FCHO2: variants seen among roughly 807,000 people sequenced by gnomAD.
FCHO2 encodes the protein F-BAR domain only protein 2.
A neutral mutation model predicts 114.1 loss-of-function variants in FCHO2; 43 were observed. The observed-to-expected ratio is 0.38, with a 90% confidence interval of 0.30 to 0.49. FCHO2 has a LOEUF of 0.49. FCHO2 is among the 20% of genes least tolerant of loss of function. The probability of loss-of-function intolerance (pLI) is 0.97; values close to 1 mark genes in which losing one functional copy is unlikely to be tolerated. For synonymous variants in FCHO2, 293 were observed against 315.2 expected, an observed-to-expected ratio of 0.93 and a Z score of 0.75; for missense variants, 807 against 950.4, an observed-to-expected ratio of 0.85 and a Z score of 1.98.
At chr5:72,988,808 A>G (rs1033141709) in intron 2 of FCHO2, among the ~76,000 whole-genome samples, 1 of 152,258 alleles carries the variant, frequency 6.6e-6, no homozygotes, top group Non-Finnish European at 1.5e-5. Context: ...CACTTATCAC[A>G]GTGAACCAGC....
chr5:73,054,562 TTTGAA>T lies in FCHO2; in HGVS notation c.1210+17_1210+21del. 1 of 1,529,518 alleles carries T rather than the reference TTTGAA, an allele frequency of 6.5e-7. No homozygotes were observed. Among genetic ancestry groups the T allele is most frequent in the African/African-American group, 1.4e-5 (1 of 72,318 alleles). 94.7% of individuals were successfully genotyped at this position (1,529,518 alleles called of 1,614,324 possible). Reference sequence around the variant, plus strand: ...CGGAATTTGTCTAGTAAGTTTGACATTTGAATTGTTTATTTTATGTCTATTAAAAT... The same window carrying T: ...CGGAATTTGTCTAGTAAGTTTGACATTTGTTTATTTTATGTCTATTAAAAT... On this transcript the variant is annotated intron_variant, in intron 15 of 25. Coordinates refer to ENST00000430046, the MANE Select transcript of FCHO2 (RefSeq NM_138782.3).
chr5:73,078,163 A>T lies in FCHO2; in HGVS notation c.1848-17A>T, dbSNP rs1561496790. ...GATAAGTCAATAAAATAACAAATAT[A>T]TTTTTTATATATGTAGTGATCCATC... On this transcript the variant is annotated splice_polypyrimidine_tract_variant and intron_variant, in intron 21 of 25. Transcript: ENST00000430046. The T allele has an allele frequency of 6.8e-7, 1 of 1,465,132 alleles. No individual in the cohort carries two copies. Among genetic ancestry groups the T allele is most frequent in the South Asian group, 1.5e-5 (1 of 67,916 alleles). 90.8% of individuals were successfully genotyped at this position (1,465,132 alleles called of 1,614,324 possible).
chr5:73,055,639 C>T lies in FCHO2; in HGVS notation c.1211-426C>T, dbSNP rs561406349. 2.6e-4 allele frequency among the ~76,000 whole-genome samples: 39 copies of T among 152,268 alleles called. No individual in the cohort carries two copies. The South Asian group carries it at 7.5e-3, about 29-fold the overall frequency. On this transcript the variant is annotated intron_variant, in intron 15 of 25. Transcript: ENST00000430046. ...TTAATTTTTCAAAATATGACATCCT[C>T]AAGAGTTAATAACTACTTTTTGTCA...
intron 5 of FCHO2, among the ~76,000 whole-genome samples, chr5:72,998,992 G>A (rs1024786174): frequency 3.3e-5 from 5 of 151,556 alleles, no homozygotes; most frequent in East Asian, 1.9e-4. Context: ...CATCAGGCCC[G>A]GCTCATGATT....
At chr5:73,073,066 A>G (rs1317857894) in intron 19 of FCHO2, among the ~76,000 whole-genome samples, 1 of 152,074 alleles carries the variant, frequency 6.6e-6, no homozygotes, top group Non-Finnish European at 1.5e-5. Flanking sequence ...CCAGTGTACA[A>G]ACATATATTT....
chr5:73,028,931 C>T (rs1191069441), intron 8 of FCHO2, among the ~76,000 whole-genome samples: 1 of 152,006 alleles, frequency 6.6e-6, no homozygotes, highest in Non-Finnish European at 1.5e-5. Flanking sequence ...ACAGGTGGAG[C>T]CACCGTGCCC....
chr5:72,987,001 G>A (rs1021651422), intron 2 of FCHO2, among the ~76,000 whole-genome samples: 24 of 149,200 alleles, frequency 1.6e-4, no homozygotes, highest in African/African-American at 5.2e-4. Flanking sequence ...TCAGCCTCCC[G>A]AGTAGCTGGG....
chr5:73,061,498 TA>T (rs1316231378), intron 17 of FCHO2, among the ~76,000 whole-genome samples: 2 of 152,090 alleles, frequency 1.3e-5, no homozygotes, highest in Non-Finnish European at 2.9e-5. Context: ...TAGAGCAGAG[TA>T]GGAACTTCAG....
intron 19 of FCHO2, among the ~76,000 whole-genome samples, chr5:73,072,854 T>G (rs1042758684): frequency 6.6e-6 from 1 of 152,082 alleles, no homozygotes; most frequent in East Asian, 1.9e-4. Flanking sequence ...ACCGGTGAAC[T>G]GTATGCTTAA....
chr5:72,996,784 T>C (rs1423300011), intron 5 of FCHO2: 3 of 634,678 alleles, frequency 4.7e-6, no homozygotes, highest in Non-Finnish European at 8.2e-6. Flanking sequence ...GCTTGCTCCA[T>C]ACCCCTCTCT....
intron 1 of FCHO2, among the ~76,000 whole-genome samples, chr5:72,957,237 C>T (rs74463894): frequency 1.3e-5 from 2 of 151,950 alleles, no homozygotes; most frequent in Non-Finnish European, 2.9e-5. Context: ...TTCACATTTC[C>T]GTACCAATAC....
chr5:73,068,600 C>A, intron 18 of FCHO2, 50 bp from the exon 19 acceptor site: 1 of 1,580,884 alleles, frequency 6.3e-7, no homozygotes, highest in East Asian at 2.3e-5. Flanking sequence ...TCTTCTCTAA[C>A]AAGAGAGGTA....
At chr5:73,028,165 C>A (rs1756041411) in intron 8 of FCHO2, among the ~76,000 whole-genome samples, 1 of 152,068 alleles carries the variant, frequency 6.6e-6, no homozygotes, top group Non-Finnish European at 1.5e-5. Context: ...CCACAGCACT[C>A]CAGCCTGGGT....
At chr5:73,050,686 G>A (rs987672768) in intron 11 of FCHO2, among the ~76,000 whole-genome samples, 4 of 152,102 alleles carry the variant, frequency 2.6e-5, no homozygotes, top group African/African-American at 9.7e-5. Context: ...GGATTTTGCC[G>A]ATTATATTGC....
chr5:73,079,535 C>A (rs1166836047), intron 22 of FCHO2, among the ~76,000 whole-genome samples: 1 of 152,006 alleles, frequency 6.6e-6, no homozygotes, highest in African/African-American at 2.4e-5. Context: ...TAAGGTGAAT[C>A]CCTGTTAGAC....
chr5:72,975,940 G>A (rs985272533), intron 2 of FCHO2, among the ~76,000 whole-genome samples: 1 of 152,216 alleles, frequency 6.6e-6, no homozygotes, highest in African/African-American at 2.4e-5. Context: ...AAACATCTGT[G>A]TGCAGGTTTT....
chr5:73,000,342 G>A (rs1754367117), intron 5 of FCHO2, among the ~76,000 whole-genome samples: 1 of 151,956 alleles, frequency 6.6e-6, no homozygotes, highest in African/African-American at 2.4e-5. Flanking sequence ...ATGGTGGTGT[G>A]TGCCTATAAT....
In FCHO2 at chr5:73,068,783, A is replaced by G; in HGVS notation, c.1579+4A>G. The G allele has an allele frequency of 6.2e-7, 1 of 1,610,928 alleles. No homozygotes were observed. Among genetic ancestry groups the G allele is most frequent in the South Asian group, 1.1e-5 (1 of 90,702 alleles). On this transcript the variant is annotated splice_donor_region_variant and intron_variant, in intron 19 of 25. Transcript: ENST00000430046. ...GCTGCCAATACTCCAACAGTAGGTA[A>G]GTGATTATCATCAATTACATGTGAA...
chr5:73,014,479 G>A (rs1246641394), intron 6 of FCHO2, among the ~76,000 whole-genome samples: 1 of 151,544 alleles, frequency 6.6e-6, no homozygotes, highest in Non-Finnish European at 1.5e-5. Flanking sequence ...GAGTAGAGAC[G>A]AGGTTTCACC....
Sources: gnomAD v4.1 joint callset for allele counts (sites outside exome capture counted in the v4.1 genomes callset) on GRCh38, gnomAD v4.1.1 for gene constraint, MANE v1.5 for transcripts, NCBI Gene and HGNC (gene_info 2026-07-23, HGNC 2026-07-21) for gene names.